Variants in CMSS1 observed in about 807,000 individuals in gnomAD.
CMSS1 encodes cms1 ribosomal small subunit homolog.
Under a neutral mutation model 43.5 loss-of-function variants are expected in CMSS1, and 33 were observed. The observed-to-expected ratio is 0.76, with a 90% CI of 0.57 to 1.01. The LOEUF is 1.01. CMSS1 is among the 50% of genes least tolerant of loss of function. The pLI, the probability that CMSS1 is intolerant of heterozygous loss-of-function variation, is 0.00. For missense variants in CMSS1, 313 were observed against 326.4 expected, an observed-to-expected ratio of 0.96 and a Z score of 0.32; for synonymous variants, 115 against 117.2, an observed-to-expected ratio of 0.98 and a Z score of 0.12.
At chr3:99,918,692 G>A (rs1218720269) in intron 1 of CMSS1, among the ~76,000 whole-genome samples, 10 of 152,120 alleles carry the variant, frequency 6.6e-5, no homozygotes, top group Admixed American at 6.5e-4. Context: ...TGGTTTTTTA[G>A]TACCCACATG....
chr3:100,080,543 A>G (rs1243040605), intron 1 of CMSS1, among the ~76,000 whole-genome samples: 3 of 152,140 alleles, frequency 2.0e-5, no homozygotes, highest in African/African-American at 7.2e-5. Flanking sequence ...TGATCTGTGG[A>G]CCACATTTTG....
intron 1 of CMSS1, among the ~76,000 whole-genome samples, chr3:100,077,907 CA>C (rs975837604): frequency 8.6e-5 from 13 of 151,132 alleles, no homozygotes; most frequent in African/African-American, 3.2e-4. Flanking sequence ...GACCCTGTCT[CA>C]AAAAAAATAA....
intron 1 of CMSS1, among the ~76,000 whole-genome samples, chr3:99,907,903 G>A (rs1265891373): frequency 6.6e-6 from 1 of 152,196 alleles, no homozygotes; most frequent in Non-Finnish European, 1.5e-5. Context: ...GGCCATATGT[G>A]TGATCCAGTG....
chr3:99,872,069 C>G (rs1031227919), intron 1 of CMSS1, among the ~76,000 whole-genome samples: 1 of 152,078 alleles, frequency 6.6e-6, no homozygotes, highest in East Asian at 1.9e-4. Flanking sequence ...CTCCTCTCTT[C>G]CTAGCACTAA....
At chr3:100,172,085 C>T (rs2067114921) in intron 7 of CMSS1, 186 bp downstream of exon 7, 16 of 635,318 alleles carry the variant, frequency 2.5e-5, no homozygotes. Context: ...ATGGCAGTCG[C>T]TACTGCCATG....
intron 1 of CMSS1, among the ~76,000 whole-genome samples, chr3:99,825,112 A>G (rs1942512861): frequency 6.6e-6 from 1 of 152,218 alleles, no homozygotes; most frequent in African/African-American, 2.4e-5. Context: ...TAGATGTTGT[A>G]AGGCATTGTC....
intron 1 of CMSS1, among the ~76,000 whole-genome samples, chr3:99,854,719 C>A (rs890042469): frequency 6.6e-6 from 1 of 152,090 alleles, no homozygotes; most frequent in Non-Finnish European, 1.5e-5. Flanking sequence ...AACTACTGAT[C>A]TATGCATGTG....
chr3:100,091,823 G>A (rs778832795), intron 1 of CMSS1, among the ~76,000 whole-genome samples: 2 of 152,028 alleles, frequency 1.3e-5, no homozygotes, highest in East Asian at 1.9e-4. Context: ...GTCTCCTCTC[G>A]TGATTCACAG....
At chr3:99,983,420 G>A (rs9879643) in intron 1 of CMSS1, among the ~76,000 whole-genome samples, 2,417 of 58,602 alleles carry the variant, frequency 0.041, 122 homozygotes, top group African/African-American at 0.075. Context: ...ATATATATAT[G>A]TATGTATGTA....
intron 1 of CMSS1, among the ~76,000 whole-genome samples, chr3:99,914,314 C>G (rs1203513366): frequency 1.3e-5 from 2 of 152,102 alleles, no homozygotes; most frequent in East Asian, 1.9e-4. Context: ...ACCAGTGATG[C>G]TAGGCCATGA....
intron 1 of CMSS1, among the ~76,000 whole-genome samples, chr3:100,035,119 TTGTA>T (rs2065085119): frequency 6.6e-6 from 1 of 152,208 alleles, no homozygotes; most frequent in Non-Finnish European, 1.5e-5. Context: ...GTTATCCAAA[TTGTA>T]TGTGTTTCAA....
At chr3:100,105,902 A>G (rs1267954507) in intron 1 of CMSS1, among the ~76,000 whole-genome samples, 1 of 152,120 alleles carries the variant, frequency 6.6e-6, no homozygotes, top group Non-Finnish European at 1.5e-5. Context: ...TTTTTAATCA[A>G]TGAGCTTTCT....
chr3:100,006,981 C>G (rs1710007209), intron 1 of CMSS1, among the ~76,000 whole-genome samples: 1 of 152,180 alleles, frequency 6.6e-6, no homozygotes, highest in African/African-American at 2.4e-5. Context: ...TTGTCCAAAA[C>G]TTGAGCATAT....
In CMSS1 at chr3:99,891,506, G is replaced by T. The variant is rs571299588; in HGVS notation, c.64+73463G>T. ...TCCTAATATTACTTGCCATCTTATA[G>T]ATGTATTTTTTGAAATATTGTATAT... On this transcript the variant is annotated intron_variant, in intron 1 of 9. Coordinates refer to ENST00000421999, the MANE Select transcript of CMSS1 (RefSeq NM_032359.4). Among the ~76,000 whole-genome samples the T allele has an allele frequency of 8.5e-5, 13 of 152,118 alleles. No homozygotes were observed. The East Asian group carries it at 2.3e-3, about 27-fold the overall frequency.
chr3:99,880,285 T>C (rs1705679499), intron 1 of CMSS1, among the ~76,000 whole-genome samples: 1 of 152,212 alleles, frequency 6.6e-6, no homozygotes, highest in Admixed American at 6.5e-5. Context: ...TCTGTACATG[T>C]AGATACCCAC....
At chr3:99,838,499 T>C (rs1942989506) in intron 1 of CMSS1, among the ~76,000 whole-genome samples, 1 of 152,158 alleles carries the variant, frequency 6.6e-6, no homozygotes, top group Non-Finnish European at 1.5e-5. Flanking sequence ...CTGCATATGT[T>C]TAGGGACATT....
At chr3:99,972,345 G>T (rs1018579834) in intron 1 of CMSS1, among the ~76,000 whole-genome samples, 1 of 152,198 alleles carries the variant, frequency 6.6e-6, no homozygotes, top group Non-Finnish European at 1.5e-5. Flanking sequence ...TAATGCCATG[G>T]CAGGATTACT....
chr3:99,985,123 G>A (rs1182102116), intron 1 of CMSS1, among the ~76,000 whole-genome samples: 1 of 152,130 alleles, frequency 6.6e-6, no homozygotes, highest in African/African-American at 2.4e-5. Context: ...TAGAAATAAA[G>A]TTCAAAAGTT....
chr3:100,107,312 C>T (rs1480237124), intron 1 of CMSS1, among the ~76,000 whole-genome samples: 4 of 152,104 alleles, frequency 2.6e-5, no homozygotes, highest in Non-Finnish European at 5.9e-5. Flanking sequence ...TTTTATGATG[C>T]CATCTGGGAA....
Sources: gnomAD v4.1 joint callset for allele counts (sites outside exome capture counted in the v4.1 genomes callset) on GRCh38, gnomAD v4.1.1 for gene constraint, MANE v1.5 for transcripts, NCBI Gene and HGNC (gene_info 2026-07-23, HGNC 2026-07-21) for gene names.